NEK11: variants seen among roughly 807,000 people sequenced by gnomAD.
NEK11 encodes NIMA related kinase 11.
A neutral mutation model predicts 80.7 loss-of-function variants in NEK11; 72 were observed. The observed-to-expected ratio is 0.89, with a 90% CI of 0.74 to 1.08. NEK11 has a LOEUF of 1.08. Ranked by LOEUF, NEK11 falls within the 50% of genes least tolerant of loss-of-function variation. The pLI is 0.00. For synonymous variants in NEK11, 251 were observed against 260.7 expected (o/e 0.96, Z 0.36); for missense variants, 764 against 763.6 (o/e 1.00, Z -0.01).
intron 15 of NEK11, among the ~76,000 whole-genome samples, chr3:131,240,960 G>C (rs2095509653): frequency 6.6e-6 from 1 of 152,072 alleles, no homozygotes; most frequent in Non-Finnish European, 1.5e-5. Flanking sequence ...TTTCCTATTA[G>C]AAATTAACTC....
At chr3:131,064,135 A>G (rs780912314) in intron 3 of NEK11, among the ~76,000 whole-genome samples, 5 of 152,206 alleles carry the variant, frequency 3.3e-5, no homozygotes, top group African/African-American at 4.8e-5. Context: ...GCAAACCCAC[A>G]GAAAGAAAAG....
intron 3 of NEK11, among the ~76,000 whole-genome samples, chr3:131,050,141 G>C (rs1368083430): frequency 6.6e-6 from 1 of 152,184 alleles, no homozygotes; most frequent in East Asian, 1.9e-4. Context: ...CTTGGAAACT[G>C]TGTGCCTACC....
chr3:131,171,666 G>A (rs1018044585), intron 14 of NEK11, among the ~76,000 whole-genome samples: 11 of 152,274 alleles, frequency 7.2e-5, no homozygotes, highest in South Asian at 4.1e-4. Flanking sequence ...CAAATGAGAC[G>A]TGGCATGTGG....
intron 9 of NEK11, among the ~76,000 whole-genome samples, chr3:131,153,070 AGT>A (rs1177396212): frequency 3.9e-5 from 6 of 152,178 alleles, no homozygotes; most frequent in Non-Finnish European, 8.8e-5. Flanking sequence ...CTGGCAACAG[AGT>A]GAGACTCTGT....
At chr3:131,316,243 CTG>C (rs539910910) in intron 17 of NEK11, among the ~76,000 whole-genome samples, 21 of 152,206 alleles carry the variant, frequency 1.4e-4, no homozygotes, top group Admixed American at 3.9e-4. Context: ...TTGCTAATCA[CTG>C]TATTTTAAAA....
At chr3:131,167,847 C>A (rs370065498) in intron 12 of NEK11, among the ~76,000 whole-genome samples, 2 of 152,212 alleles carry the variant, frequency 1.3e-5, no homozygotes, top group African/African-American at 4.8e-5. Flanking sequence ...GGAGGGGAAG[C>A]GACCGATGCT....
At chr3:131,200,188 A>G (rs1221947812) in intron 14 of NEK11, among the ~76,000 whole-genome samples, 1 of 152,228 alleles carries the variant, frequency 6.6e-6, no homozygotes, top group Non-Finnish European at 1.5e-5. Flanking sequence ...GAAACGCATA[A>G]GTAATTGACA....
chr3:131,144,228 C>T (rs946494733), intron 7 of NEK11, among the ~76,000 whole-genome samples: 1 of 152,154 alleles, frequency 6.6e-6, no homozygotes, highest in East Asian at 1.9e-4. Context: ...GCTTCACAGA[C>T]ACCTGATCCC....
intron 16 of NEK11, among the ~76,000 whole-genome samples, chr3:131,260,554 A>G (rs1045613934): frequency 6.6e-6 from 1 of 152,116 alleles, no homozygotes; most frequent in Non-Finnish European, 1.5e-5. Context: ...GCCTATAGCT[A>G]TTTTCATGCT....
chr3:131,282,297 G>C (rs2096408167), intron 17 of NEK11, among the ~76,000 whole-genome samples: 1 of 148,548 alleles, frequency 6.7e-6, no homozygotes, highest in Admixed American at 6.6e-5. Flanking sequence ...ATGCCATAGA[G>C]ATCAGTGTAG....
At chr3:131,130,532 G>A (rs2718868) in intron 5 of NEK11, among the ~76,000 whole-genome samples, 2 of 152,036 alleles carry the variant, frequency 1.3e-5, no homozygotes, top group Non-Finnish European at 2.9e-5. Context: ...GCAGAAAAAC[G>A]TCAGGGTTCT....
At chr3:131,301,302 T>C (rs568712430) in intron 17 of NEK11, among the ~76,000 whole-genome samples, 1 of 152,304 alleles carries the variant, frequency 6.6e-6, no homozygotes, top group East Asian at 1.9e-4. Context: ...GTTTTCTAGA[T>C]ATAGACTCAT....
intron 3 of NEK11, among the ~76,000 whole-genome samples, chr3:131,043,097 C>A (rs2066793745): frequency 6.6e-6 from 1 of 152,178 alleles, no homozygotes; most frequent in African/African-American, 2.4e-5. Context: ...CACGCAAAAA[C>A]TTCATCCAAA....
intron 17 of NEK11, among the ~76,000 whole-genome samples, chr3:131,321,161 C>T (rs2096893513): frequency 6.6e-6 from 1 of 152,078 alleles, no homozygotes; most frequent in South Asian, 2.1e-4. Context: ...GACACATAGA[C>T]CAATGGAACA....
intron 16 of NEK11, among the ~76,000 whole-genome samples, chr3:131,269,308 T>G (rs1255302445): frequency 1.3e-5 from 2 of 152,200 alleles, no homozygotes; most frequent in African/African-American, 4.8e-5. Flanking sequence ...CAGGTGCCAC[T>G]GGAGTATGAA....
chr3:131,274,579 T>G (rs1197221191), intron 17 of NEK11, among the ~76,000 whole-genome samples: 2 of 148,916 alleles, frequency 1.3e-5, no homozygotes, highest in Non-Finnish European at 3.0e-5. Flanking sequence ...CCACCAACAG[T>G]GTAAAAGTGT....
intron 14 of NEK11, among the ~76,000 whole-genome samples, chr3:131,219,704 C>G (rs1019757543): frequency 6.6e-6 from 1 of 152,148 alleles, no homozygotes; most frequent in East Asian, 1.9e-4. Flanking sequence ...TAATCTCCAA[C>G]CTCCAGAACT....
At chr3:131,260,835 A>G (rs2095905097) in intron 16 of NEK11, among the ~76,000 whole-genome samples, 1 of 152,150 alleles carries the variant, frequency 6.6e-6, no homozygotes, top group African/African-American at 2.4e-5. Flanking sequence ...ATTAGGTAAG[A>G]AGCATTCTAA....
chr3:131,067,024 C>T (rs998459132), intron 3 of NEK11, among the ~76,000 whole-genome samples: 10 of 152,102 alleles, frequency 6.6e-5, no homozygotes, highest in African/African-American at 2.4e-4. Context: ...ATAACTGTCT[C>T]ATGTATGGCG....
Sources: gnomAD v4.1 joint callset for allele counts (sites outside exome capture counted in the v4.1 genomes callset) on GRCh38, gnomAD v4.1.1 for gene constraint, MANE v1.5 for transcripts, NCBI Gene and HGNC (gene_info 2026-07-23, HGNC 2026-07-21) for gene names.